LRP2: variants seen among roughly 807,000 people sequenced by gnomAD.
LRP2 encodes low-density lipoprotein receptor-related protein 2.
LRP2 carries 172 observed loss-of-function variants against 531.0 expected under a neutral mutation model. That is an observed-to-expected ratio of 0.32 (90% CI 0.29 to 0.37). The LOEUF (loss-of-function observed/expected upper bound fraction) is 0.37. LRP2 is among the 10% of genes least tolerant of loss of function. LRP2 has a pLI of 1.00. For synonymous variants in LRP2, 1,992 were observed against 2,027.6 expected (o/e 0.98, Z 0.47); for missense variants, 5,167 against 5,868.3 (o/e 0.88, Z 3.90).
rs767130991 is a variant in LRP2 at position 169,220,502 on chromosome 2, G to A, written c.5600C>T (p.Ala1867Val). The change falls in exon 34 of 79, where the codon GCT becomes GTT. Residue 1867 changes from alanine to valine, a missense_variant. Coordinates refer to ENST00000649046, the MANE Select transcript of LRP2 (RefSeq NM_004525.3). ...RKTLIANDGTALGVGFPIGIT... is the reference protein window; with the variant it reads ...RKTLIANDGTVLGVGFPIGIT... The stretch of plus-strand genomic sequence containing the variant: ...GCCAATTGGAAAGCCAACTCCAAGA[G>A]CTGTCCCATCATTGGCAATCAATGT... 2 of 1,613,494 alleles carry A rather than the reference G, an allele frequency of 1.2e-6. No homozygotes were observed. Among genetic ancestry groups the A allele is most frequent in the African/African-American group, 2.7e-5 (2 of 74,892 alleles).
At chr2:169,281,623 G>A (rs948093862) in intron 10 of LRP2, among the ~76,000 whole-genome samples, 1 of 150,624 alleles carries the variant, frequency 6.6e-6, no homozygotes, top group African/African-American at 2.4e-5. Flanking sequence ...GGAGGCTGAG[G>A]CAGAGAATTG....
chr2:169,162,395 T>C, intron 63 of LRP2, 77 bp downstream of exon 63: 4 of 1,521,806 alleles, frequency 2.6e-6, no homozygotes, highest in Admixed American at 3.3e-5. Flanking sequence ...GGTCAGTGTC[T>C]ACATTATGTT....
Position 169,139,620 on chromosome 2 carries a change from A to G in LRP2, c.13200-10T>C. 6.2e-7 allele frequency: 1 copy of G among 1,613,968 alleles called. No homozygotes were observed. The highest frequency in any genetic ancestry group is 8.5e-7 in the Non-Finnish European group (1 of 1,179,784). On this transcript the variant is annotated splice_polypyrimidine_tract_variant and intron_variant, in intron 72 of 78. Coordinates refer to ENST00000649046, the MANE Select transcript of LRP2 (RefSeq NM_004525.3). ...GTAGCCGCTAGGACACCTGAAAGGA[A>G]AAAGCAAATCATTCACTAGCTGTTA... is the stretch of plus-strand genomic sequence containing the variant.
chr2:169,145,587 C>G (rs374202623), intron 70 of LRP2, among the ~76,000 whole-genome samples, 160 bp downstream of exon 70: 1 of 152,170 alleles, frequency 6.6e-6, no homozygotes, highest in Non-Finnish European at 1.5e-5. Flanking sequence ...ATGGTTAAAA[C>G]GTTCCTCTCC....
intron 26 of LRP2, among the ~76,000 whole-genome samples, chr2:169,239,184 A>G (rs145070299): frequency 2.0e-3 from 312 of 152,340 alleles, no homozygotes; most frequent in Non-Finnish European, 3.8e-3. Context: ...CAGAAATTGA[A>G]TTAATACTGG....
chr2:169,163,061 C>T (rs1224219539), intron 62 of LRP2, among the ~76,000 whole-genome samples: 1 of 152,130 alleles, frequency 6.6e-6, no homozygotes, highest in Non-Finnish European at 1.5e-5. Context: ...ATAATAAAAA[C>T]ATAAAATATT....
chr2:169,242,948 T>C lies in LRP2; in HGVS notation c.3667+8A>G, dbSNP rs369200430. ...TTGTCTGAAACATTCTGGGTATGTG[T>C]TACTTACGACAGCCTGCTTCATCCG... is the stretch of plus-strand genomic sequence containing the variant. On this transcript the variant is annotated splice_region_variant and intron_variant, in intron 24 of 78. Transcript: ENST00000649046. 1 of 1,601,456 alleles carries C rather than the reference T, an allele frequency of 6.2e-7. No homozygotes were observed. The highest frequency in any genetic ancestry group is 8.6e-7 in the Non-Finnish European group (1 of 1,168,692).
intron 9 of LRP2, among the ~76,000 whole-genome samples, chr2:169,284,256 CTTTTTTTTTTTT>C (rs1216987363): frequency 3.1e-5 from 3 of 96,668 alleles, no homozygotes; most frequent in African/African-American, 1.3e-4. Flanking sequence ...TCTTTTTTTT[CTTTTTTTTTTTT>C]TTTTTTTTTT....
chr2:169,208,275 C>T (rs945118765), intron 38 of LRP2, among the ~76,000 whole-genome samples: 3 of 152,088 alleles, frequency 2.0e-5, no homozygotes, highest in African/African-American at 7.2e-5. Flanking sequence ...ATTTGACGCA[C>T]GGGCCATAGT....
In LRP2 at chr2:169,204,021, C is replaced by T. The variant is rs201403741; in HGVS notation, c.7966G>A (p.Glu2656Lys). ...NQKQQCNNPCEQFNGGCSHIC... is the reference protein window; with the variant it reads ...NQKQQCNNPCKQFNGGCSHIC... ...TGGCTGCAGCCCCCATTAAACTGTT[C>T]ACAAGGATTGTTACACTGTTGTTTC... The change falls in exon 42 of 79, where the codon GAA becomes AAA. Residue 2656 changes from glutamate (E) to lysine (K), a missense_variant. Glu to Lys is a moderately conservative substitution (Grantham distance 56). Around this residue, in one of 6 missense-constraint regions of LRP2, gnomAD observed 1,129 missense variants for 1,362.7 expected, o/e 0.83. Coordinates refer to ENST00000649046, the MANE Select transcript of LRP2 (RefSeq NM_004525.3). 2.5e-6 allele frequency: 4 copies of T among 1,614,192 alleles called. No individual in the cohort carries two copies. The African/African-American group carries it at 5.3e-5, about 22-fold the overall frequency.
intron 53 of LRP2, 26 bp downstream of exon 53, chr2:169,177,777 G>T (rs761833776): frequency 6.3e-7 from 1 of 1,599,360 alleles, no homozygotes; most frequent in South Asian, 1.1e-5. Flanking sequence ...AGGCAACCTT[G>T]CCAAACCCCT....
intron 3 of LRP2, among the ~76,000 whole-genome samples, chr2:169,314,572 T>TAGATATA (rs1684708987): frequency 6.6e-6 from 1 of 152,248 alleles, no homozygotes; most frequent in Non-Finnish European, 1.5e-5. Flanking sequence ...TAATTGATTA[T>TAGATATA]ATCTTCCTTG....
At chr2:169,169,678 C>G in intron 60 of LRP2, 24 bp downstream of exon 60, 1 of 1,569,808 alleles carries the variant, frequency 6.4e-7, no homozygotes, top group Non-Finnish European at 8.8e-7. Flanking sequence ...GTAAGCAGTA[C>G]TACATATGTG....
intron 74 of LRP2, 147 bp downstream of exon 74, chr2:169,139,104 T>C: frequency 8.4e-7 from 1 of 1,192,338 alleles, no homozygotes; most frequent in Non-Finnish European, 1.2e-6. Flanking sequence ...AAGTGACTGC[T>C]TTACATCCTC....
rs200396384 is a variant in LRP2, at chr2:169,168,494, G to A, written c.11635+45C>T. On this transcript the variant is annotated intron_variant, in intron 61 of 78. Transcript: ENST00000649046. Reference sequence around the variant, plus strand: ...CTACACGTAAGAAACAATGAGATTTGACAGACAACACCACTCCCATTCACT... The same window carrying A: ...CTACACGTAAGAAACAATGAGATTTAACAGACAACACCACTCCCATTCACT... 87 of 1,612,234 alleles carry A rather than the reference G, an allele frequency of 5.4e-5. No homozygotes were observed. The African/African-American group carries it at 1.1e-3, about 21-fold the overall frequency.
intron 67 of LRP2, 102 bp from the exon 68 acceptor site, chr2:169,151,128 G>A (rs1686104077): frequency 1.7e-6 from 2 of 1,192,202 alleles, no homozygotes; most frequent in African/African-American, 1.5e-5. Context: ...TGGTGAGACA[G>A]CTGCTCAGAT....
At chr2:169,134,326 A>G (rs58389457) in intron 76 of LRP2, among the ~76,000 whole-genome samples, 24,487 of 151,882 alleles carry the variant, frequency 0.16, 3,239 homozygotes, top group African/African-American at 0.38. Context: ...TCTGTTCCCC[A>G]GCTCCTTCAG....
chr2:169,269,790 A>G (rs1463865050), intron 16 of LRP2, among the ~76,000 whole-genome samples: 2 of 152,200 alleles, frequency 1.3e-5, no homozygotes, highest in Non-Finnish European at 2.9e-5. Context: ...CTGCACAGCA[A>G]AACAAACTAC....
intron 15 of LRP2, among the ~76,000 whole-genome samples, chr2:169,271,494 C>A (rs551466309): frequency 6.6e-6 from 1 of 151,248 alleles, no homozygotes; most frequent in East Asian, 1.9e-4. Context: ...GCACATGTAC[C>A]CTAGAACTTA....
Sources: gnomAD v4.1 joint callset for allele counts (sites outside exome capture counted in the v4.1 genomes callset) on GRCh38, gnomAD v4.1.1 for gene constraint, gnomAD v4.1.1 regional missense constraint, MANE v1.5 for transcripts, NCBI Gene and HGNC (gene_info 2026-07-23, HGNC 2026-07-21) for gene names.